Variants in VAV2 observed in about 807,000 individuals in gnomAD.
VAV2 encodes the protein guanine nucleotide exchange factor VAV2.
In VAV2, 67 loss-of-function variants were observed where a neutral mutation model predicts 132.5. The ratio of observed to expected loss-of-function variants is 0.51; its 90% CI spans 0.42 to 0.62. The LOEUF (loss-of-function observed/expected upper bound fraction) is 0.62, where lower values mean the gene tolerates loss of function less well. VAV2 is among the 20% of genes least tolerant of loss of function. VAV2 has a pLI of 0.00. For missense variants in VAV2, 938 were observed against 1,153.6 expected (o/e 0.81, Z 2.71); for synonymous variants, 492 against 443.5 (o/e 1.11, Z -1.37).
chr9:133,867,200 G>A (rs1047562423), intron 2 of VAV2, among the ~76,000 whole-genome samples: 2 of 152,188 alleles, frequency 1.3e-5, no homozygotes, highest in Non-Finnish European at 2.9e-5. Context: ...GGTCCTCAGA[G>A]CAGGTCTGCA....
Position 133,926,059 on chromosome 9 carries a change from G to C in VAV2, c.321+13044C>G, listed in dbSNP as rs1188549007. 4 of 123,046 alleles carry C rather than the reference G, an allele frequency of 3.3e-5. No homozygotes were observed. The highest frequency in any genetic ancestry group is 6.5e-5 in the Non-Finnish European group (4 of 61,268). The allele number at this position is 123,046 out of a possible 1,614,324, so 7.6% of individuals were successfully genotyped here. A position where few individuals can be genotyped will look rare whatever the true frequency, so the allele number is the denominator to read the frequency against. ...CACCAGTTGCACCAGGACCAGCTAA[G>C]AAAATGCAAGCTCTCAGCCAACGGG... is the stretch of plus-strand genomic sequence containing the variant. On this transcript the variant is annotated intron_variant, in intron 2 of 29. Coordinates refer to ENST00000371850, the MANE Select transcript of VAV2 (RefSeq NM_001134398.2). This position sits in a 1 kb window ranked among gnomAD's most constrained non-coding sequence, Gnocchi z 4.3.
chr9:133,949,996 C>T (rs1841502048), intron 1 of VAV2, among the ~76,000 whole-genome samples: 1 of 152,234 alleles, frequency 6.6e-6, no homozygotes, highest in South Asian at 2.1e-4. Context: ...CCAGCAAGGA[C>T]CAGCAGCCGT....
chr9:133,947,426 G>A (rs993863046), intron 1 of VAV2, among the ~76,000 whole-genome samples: 8 of 152,140 alleles, frequency 5.3e-5, no homozygotes, highest in South Asian at 2.1e-4. Context: ...GTCGTTGGGC[G>A]CGGTGGCTGA....
intron 3 of VAV2, among the ~76,000 whole-genome samples, chr9:133,836,839 G>A (rs1452496136): frequency 1.3e-5 from 2 of 152,280 alleles, no homozygotes; most frequent in Non-Finnish European, 2.9e-5. Context: ...GAGCACACAC[G>A]CGTGCCTCTC....
intron 4 of VAV2, among the ~76,000 whole-genome samples, chr9:133,819,659 G>C (rs114215583): frequency 6.6e-6 from 1 of 152,060 alleles, no homozygotes; most frequent in Non-Finnish European, 1.5e-5. Flanking sequence ...CCTTCCTACC[G>C]GGCCCTCCTT....
chr9:133,872,796 G>A (rs1403429494), intron 2 of VAV2, among the ~76,000 whole-genome samples: 4 of 151,702 alleles, frequency 2.6e-5, no homozygotes, highest in South Asian at 2.1e-4. Flanking sequence ...AGAGTCTACC[G>A]CTCAAGAAGC....
rs937473724 is a variant in VAV2, at chr9:133,899,499, C to T, written c.322-38067G>A. On this transcript the variant is annotated intron_variant, in intron 2 of 29. Transcript: ENST00000371850. ...TCTGAGCTCACCGCAATCTCTGCCTCCTGGGTTCAAGCGATTCTCATGCCT... is the reference window on the plus strand; with the variant it reads ...TCTGAGCTCACCGCAATCTCTGCCTTCTGGGTTCAAGCGATTCTCATGCCT... Among the ~76,000 whole-genome samples, 27 of 151,942 alleles carry T rather than the reference C, an allele frequency of 1.8e-4. 2 individuals are homozygous for T. The highest frequency in any genetic ancestry group is 1.4e-3 in the Admixed American group (22 of 15,268).
chr9:133,854,158 T>G (rs1474184228), intron 3 of VAV2, among the ~76,000 whole-genome samples: 1 of 145,416 alleles, frequency 6.9e-6, no homozygotes, highest in South Asian at 2.2e-4. Context: ...CACACACACA[T>G]CTGCATATGC....
chr9:133,868,230 G>A (rs1837883418), intron 2 of VAV2, among the ~76,000 whole-genome samples: 1 of 152,240 alleles, frequency 6.6e-6, no homozygotes, highest in South Asian at 2.1e-4. Flanking sequence ...CCGGGGCTCG[G>A]GTCTGTGTGG....
chr9:133,834,846 C>T lies in VAV2; in HGVS notation c.381-506G>A, dbSNP rs1836402452. ...ACTGAGGGTAGGGGCTCACCCACGCCACCCACCAGCCACTGGCTTGAGGTC... is the reference window on the plus strand; with the variant it reads ...ACTGAGGGTAGGGGCTCACCCACGCTACCCACCAGCCACTGGCTTGAGGTC... On this transcript the variant is annotated intron_variant, in intron 3 of 29. Transcript: ENST00000371850. The surrounding 1 kb of genome is among the most constrained non-coding windows in gnomAD (Gnocchi z 5.9). Among the ~76,000 whole-genome samples the T allele has an allele frequency of 6.6e-6, 1 of 152,130 alleles. No individual in the cohort carries two copies. The highest frequency in any genetic ancestry group is 6.5e-5 in the Admixed American group (1 of 15,274).
chr9:133,920,935 G>A (rs1015119293), intron 2 of VAV2, among the ~76,000 whole-genome samples: 1 of 152,250 alleles, frequency 6.6e-6, no homozygotes, highest in Admixed American at 6.5e-5. Context: ...GGCCCTGAGT[G>A]CCCTCCGTGG....
chr9:133,793,237 AG>A (rs1203347132), intron 12 of VAV2, among the ~76,000 whole-genome samples: 1 of 151,686 alleles, frequency 6.6e-6, no homozygotes, highest in Non-Finnish European at 1.5e-5. Flanking sequence ...GCGGAACCCA[AG>A]GGAGCCGGCC....
intron 4 of VAV2, among the ~76,000 whole-genome samples, chr9:133,817,750 T>C (rs1033176663): frequency 6.6e-6 from 1 of 152,258 alleles, no homozygotes; most frequent in Non-Finnish European, 1.5e-5. Flanking sequence ...ATCGTGCTTT[T>C]CAGTTTTAGC....
At position 133,824,366 on chromosome 9, in the gene VAV2, A is replaced by T. The variant is rs1835905051; in HGVS notation, c.449+9906T>A. ...CTCAGTTCCCGAGAACAGACACAGCAGAGACCAGGACCCTCCTAAAACCCC... is the reference window on the plus strand; with the variant it reads ...CTCAGTTCCCGAGAACAGACACAGCTGAGACCAGGACCCTCCTAAAACCCC... On this transcript the variant is annotated intron_variant, in intron 4 of 29. Transcript: ENST00000371850. This position sits in a 1 kb window ranked among gnomAD's most constrained non-coding sequence, Gnocchi z 5.2. 6.6e-6 allele frequency among the ~76,000 whole-genome samples: 1 copy of T among 152,044 alleles called. No homozygotes were observed. The highest frequency in any genetic ancestry group is 1.5e-5 in the Non-Finnish European group (1 of 67,992).
rs1843046859 is a variant in VAV2 at position 133,992,183 on chromosome 9, G to A, written c.96C>T (p.Asp32=). The change falls in exon 1 of 30, where the codon GAC becomes GAT. Residue 32 remains aspartate (D), a synonymous_variant. Transcript: ENST00000371850. This position sits in a 1 kb window ranked among gnomAD's most constrained non-coding sequence, Gnocchi z 5.5. The part of the protein sequence containing the change: ...RVVWPSAVVF[D]LAQALRDGVL... Reference sequence around the variant, plus strand: ...CCCCGTCGCGCAGCGCCTGCGCCAGGTCGAAGACCACGGCCGAGGGCCACA... The same window carrying A: ...CCCCGTCGCGCAGCGCCTGCGCCAGATCGAAGACCACGGCCGAGGGCCACA... 1.9e-6 allele frequency: 3 copies of A among 1,600,208 alleles called. No homozygotes were observed. Among genetic ancestry groups the A allele is most frequent in the Non-Finnish European group, 2.6e-6 (3 of 1,173,566 alleles).
At chr9:133,780,598 G>A (rs1833972937) in intron 20 of VAV2, 96 bp downstream of exon 20, 2 of 1,265,676 alleles carry the variant, frequency 1.6e-6, no homozygotes, top group African/African-American at 3.1e-5. Flanking sequence ...GGCCCCATGA[G>A]TGGTGAAAGG....
chr9:133,832,849 G>GT (rs11458565), intron 4 of VAV2, among the ~76,000 whole-genome samples: 10,454 of 151,398 alleles, frequency 0.069, 580 homozygotes, highest in African/African-American at 0.15. Context: ...GGAGTGAGCA[G>GT]TTTTTTTTTG....
At position 133,770,383 on chromosome 9, in the gene VAV2, G is replaced by T; in HGVS notation, c.2342C>A (p.Ser781Tyr). Residue 781 changes from serine to tyrosine, a missense_variant, in exon 27 of 30, where the codon TCC (serine) becomes TAC (tyrosine). Physicochemically the swap from Ser to Tyr is moderately radical, Grantham distance 144. Transcript: ENST00000371850. ...CGGCTGGGCCGGGGCGTTACCTGGG[G>T]ACCGGCTGGAGGCCCTGGAGGCCGA... ...ERSASRASSR[S>Y]PASCASYNFS... 2 of 1,613,992 alleles carry T rather than the reference G, an allele frequency of 1.2e-6. No individual in the cohort carries two copies. The highest frequency in any genetic ancestry group is 1.3e-5 in the African/African-American group (1 of 75,044).
intron 3 of VAV2, among the ~76,000 whole-genome samples, chr9:133,838,883 G>T (rs138862341): frequency 7.9e-6 from 1 of 126,724 alleles, no homozygotes; most frequent in East Asian, 2.5e-4. Flanking sequence ...GGATAGATGG[G>T]TGGGTGGGTG....
Sources: allele counts gnomAD v4.1 joint callset (sites outside exome capture counted in the v4.1 genomes callset), GRCh38; gene constraint gnomAD v4.1.1; non-coding constraint Gnocchi (gnomAD v3.1); transcripts MANE v1.5; gene names NCBI Gene and HGNC (gene_info 2026-07-23, HGNC 2026-07-21).